Variants in DCC observed in about 807,000 individuals in gnomAD.
DCC encodes DCC netrin 1 receptor, also known as netrin receptor DCC.
DCC carries 58 observed loss-of-function variants against 172.5 expected under a neutral mutation model. That is an observed-to-expected ratio of 0.34 (90% CI 0.27 to 0.42). DCC has a LOEUF of 0.42. DCC is among the 10% of genes least tolerant of loss of function. The probability of loss-of-function intolerance (pLI) is 1.00; values close to 1 mark genes in which losing one functional copy is unlikely to be tolerated. For synonymous variants in DCC, 709 were observed against 644.5 expected, an observed-to-expected ratio of 1.10 and a Z score of -1.52; for missense variants, 1,740 against 1,791.0, an observed-to-expected ratio of 0.97 and a Z score of 0.51.
intron 20 of DCC, among the ~76,000 whole-genome samples, chr18:53,411,062 A>G (rs1481098439): frequency 1.3e-5 from 2 of 152,130 alleles, no homozygotes; most frequent in Non-Finnish European, 2.9e-5. Context: ...AAATTTTGAT[A>G]TGACAAGACA....
At chr18:52,890,623 A>T (rs2039634407) in intron 2 of DCC, among the ~76,000 whole-genome samples, 1 of 152,106 alleles carries the variant, frequency 6.6e-6, no homozygotes, top group African/African-American at 2.4e-5. Flanking sequence ...GTGGCCCCAG[A>T]TTGATGAACT....
chr18:52,515,030 A>G (rs1490796123), intron 1 of DCC, among the ~76,000 whole-genome samples: 1 of 152,210 alleles, frequency 6.6e-6, no homozygotes, highest in African/African-American at 2.4e-5. Context: ...ACAGTTCAAT[A>G]TCTCTCATGG....
At position 52,707,713 on chromosome 18, in the gene DCC, A is replaced by G. The variant is rs147586196; in HGVS notation, c.92-44341A>G. On this transcript the variant is annotated intron_variant, in intron 1 of 28. Transcript: ENST00000442544. ...AAAAAGAAATCTTGAAATTCGTGAC[A>G]TGGATGAACCTGAAGGACATTATAC... is the stretch of plus-strand genomic sequence containing the variant. Among the ~76,000 whole-genome samples, 921 of 152,348 alleles carry G rather than the reference A, an allele frequency of 6.0e-3. 12 individuals carry two copies. The highest frequency in any genetic ancestry group is 0.021 in the African/African-American group (887 of 41,580).
chr18:52,713,675 C>T (rs1286608690), intron 1 of DCC, among the ~76,000 whole-genome samples: 1 of 152,086 alleles, frequency 6.6e-6, no homozygotes, highest in Non-Finnish European at 1.5e-5. Context: ...AGAGGGGGCC[C>T]CTCCTTAGGC....
At chr18:52,425,549 G>A (rs928255929) in intron 1 of DCC, among the ~76,000 whole-genome samples, 28 of 152,112 alleles carry the variant, frequency 1.8e-4, no homozygotes, top group South Asian at 2.1e-4. Context: ...CACTGGGAAC[G>A]TTATGACTAT....
intron 26 of DCC, among the ~76,000 whole-genome samples, chr18:53,487,846 C>T (rs2045919096): frequency 6.6e-6 from 1 of 151,854 alleles, no homozygotes. Context: ...TGCAAAAACT[C>T]GAGGAAAAAT....
chr18:53,470,091 G>A (rs1009050337), intron 25 of DCC, among the ~76,000 whole-genome samples: 2 of 151,720 alleles, frequency 1.3e-5, no homozygotes, highest in East Asian at 1.9e-4. Context: ...GTCAGAGAAT[G>A]CCCCAGGGCT....
At chr18:53,013,648 C>T (rs113956550) in intron 5 of DCC, among the ~76,000 whole-genome samples, 7,462 of 150,708 alleles carry the variant, frequency 0.05, 322 homozygotes, top group East Asian at 0.21. Flanking sequence ...CCATGACACA[C>T]GTATACTTGT....
intron 1 of DCC, among the ~76,000 whole-genome samples, chr18:52,374,363 A>G (rs1985257153): frequency 6.6e-6 from 1 of 152,110 alleles, no homozygotes; most frequent in Non-Finnish European, 1.5e-5. Flanking sequence ...GGACACTTTT[A>G]TCTGAATTTT....
chr18:52,969,582 C>CCCTCTCTCTCT (rs1555689589), intron 5 of DCC, among the ~76,000 whole-genome samples: 2 of 80,060 alleles, frequency 2.5e-5, no homozygotes, highest in Admixed American at 1.4e-4. Flanking sequence ...GCCCCGCCCC[C>CCCTCTCTCTCT]CACTCTCTCT....
Position 52,924,334 on chromosome 18 carries a change from T to A in DCC, c.848+477T>A, listed in dbSNP as rs2040167894. ...TATTATATGCAATTTTTGTCAACTG[T>A]ACTTCAATAAAGCTAAGGGGAAAAA... On this transcript the variant is annotated intron_variant, in intron 4 of 28. Transcript: ENST00000442544. 2.0e-5 allele frequency among the ~76,000 whole-genome samples: 3 copies of A among 152,128 alleles called. No individual in the cohort carries two copies. In the South Asian group the frequency reaches 6.2e-4, roughly 31 times the overall value.
intron 3 of DCC, among the ~76,000 whole-genome samples, chr18:52,919,404 G>T (rs1469044049): frequency 6.6e-6 from 1 of 152,064 alleles, no homozygotes; most frequent in Admixed American, 6.6e-5. Flanking sequence ...TCCTTTTGGG[G>T]GAACTTTCTT....
chr18:52,448,231 G>A (rs73955637), intron 1 of DCC, among the ~76,000 whole-genome samples: 3,435 of 152,242 alleles, frequency 0.023, 124 homozygotes, highest in African/African-American at 0.078. Context: ...CTCCTTATGA[G>A]AATCTAATTC....
At chr18:52,541,351 C>G (rs1351626084) in intron 1 of DCC, among the ~76,000 whole-genome samples, 1 of 152,144 alleles carries the variant, frequency 6.6e-6, no homozygotes, top group African/African-American at 2.4e-5. Context: ...TCTCATTACC[C>G]TCAACACTGT....
At chr18:53,503,969 A>G (rs1482095662) in intron 27 of DCC, among the ~76,000 whole-genome samples, 1 of 152,198 alleles carries the variant, frequency 6.6e-6, no homozygotes, top group Non-Finnish European at 1.5e-5. Context: ...AACTCACTTC[A>G]TTGTACTGCG....
At chr18:52,782,656 A>G (rs1200205426) in intron 2 of DCC, among the ~76,000 whole-genome samples, 1 of 151,936 alleles carries the variant, frequency 6.6e-6, no homozygotes, top group Non-Finnish European at 1.5e-5. Context: ...CTCCATGTGT[A>G]TTCACTTGAG....
At chr18:52,784,320 G>C (rs1004515058) in intron 2 of DCC, among the ~76,000 whole-genome samples, 2 of 151,918 alleles carry the variant, frequency 1.3e-5, no homozygotes, top group African/African-American at 4.8e-5. Context: ...CCATTTACTC[G>C]ATGGGTACTT....
intron 1 of DCC, among the ~76,000 whole-genome samples, chr18:52,491,019 C>T (rs1189263379): frequency 6.6e-6 from 1 of 152,094 alleles, no homozygotes; most frequent in East Asian, 1.9e-4. Flanking sequence ...GGGGGGCCCA[C>T]ATTGCAAAGG....
chr18:53,247,821 A>T (rs1326420529), intron 12 of DCC, among the ~76,000 whole-genome samples: 1 of 151,918 alleles, frequency 6.6e-6, no homozygotes, highest in Non-Finnish European at 1.5e-5. Flanking sequence ...AGTCTATTGA[A>T]CTTCAGAAAA....
Sources: allele counts gnomAD v4.1 joint callset (sites outside exome capture counted in the v4.1 genomes callset), GRCh38; gene constraint gnomAD v4.1.1; transcripts MANE v1.5; gene names NCBI Gene and HGNC (gene_info 2026-07-23, HGNC 2026-07-21).